Variants in MS4A2 observed in about 807,000 individuals in gnomAD.
MS4A2 encodes high affinity immunoglobulin epsilon receptor subunit beta.
MS4A2 carries 26 observed loss-of-function variants against 27.9 expected under a neutral mutation model. That is an observed-to-expected ratio of 0.93 (90% confidence interval 0.68 to 1.29). The LOEUF (loss-of-function observed/expected upper bound fraction) is 1.29. Among genes scored for constraint, MS4A2 ranks in the 50% most tolerant of loss-of-function variants. MS4A2 has a pLI of 0.00. For missense variants in MS4A2, 284 were observed against 284.6 expected (o/e 1.00, Z 0.01); for synonymous variants, 110 against 98.8 (o/e 1.11, Z -0.67).
chr11:60,093,698 C>T (rs758301576), intron 5 of MS4A2, 140 bp downstream of exon 5: 24 of 1,247,112 alleles, frequency 1.9e-5, no homozygotes, highest in Non-Finnish European at 2.7e-5. Context: ...GTTCACACAG[C>T]CCAGGGAGAT....
Position 60,096,158 on chromosome 11 carries a change from T to A in MS4A2, c.*502T>A, listed in dbSNP as rs946368883. 6.4e-6 allele frequency: 1 copy of A among 155,418 alleles called. No individual in the cohort carries two copies. Among genetic ancestry groups the A allele is most frequent in the Non-Finnish European group, 1.4e-5 (1 of 70,120 alleles). 9.6% of individuals were successfully genotyped at this position (155,418 alleles called of 1,614,324 possible). A position where few individuals can be genotyped will look rare whatever the true frequency, so the allele number is the denominator to read the frequency against. On this transcript the variant is annotated 3_prime_UTR_variant, in exon 7 of 7. Transcript: ENST00000278888. ...TATATAACTTCCTATGCAAATATTT[T>A]ACCACCAGTCAATAATACATTTTTG...
intron 2 of MS4A2, 53 bp from the exon 3 acceptor site, chr11:60,090,283 C>A: frequency 6.3e-7 from 1 of 1,580,528 alleles, no homozygotes. Flanking sequence ...AAAAATGATA[C>A]AATCTCGGGA....
At chr11:60,089,038 A>AT (rs1855707636) in intron 1 of MS4A2, among the ~76,000 whole-genome samples, 2 of 152,124 alleles carry the variant, frequency 1.3e-5, no homozygotes, top group Non-Finnish European at 1.5e-5. Flanking sequence ...CTGGAAATAG[A>AT]TTTTCTCACA....
chr11:60,093,341 G>T (rs1855802760), intron 4 of MS4A2, 59 bp from the exon 5 acceptor site: 1 of 1,610,052 alleles, frequency 6.2e-7, no homozygotes, highest in South Asian at 1.1e-5. Context: ...ATGAAGATAG[G>T]TTTATTGAAT....
chr11:60,088,975 T>C (rs928152687), intron 1 of MS4A2, among the ~76,000 whole-genome samples, 154 bp downstream of exon 1: 1 of 152,198 alleles, frequency 6.6e-6, no homozygotes, highest in African/African-American at 2.4e-5. Flanking sequence ...CTTGCTGTAC[T>C]TTCCATGTGG....
rs1855805784 is a variant in MS4A2 at position 60,093,450 on chromosome 11, GGGAATTA to G, written c.430_436del (p.Gly144ProfsTer3). ...CTGCCAGCAGCATAGCTGGGGGAAC[GGGAATTA>G]CCATCCTGATCATCAACCTGAAGAA... On this transcript the variant is annotated frameshift_variant, in exon 5 of 7. Transcript: ENST00000278888. LOFTEE classifies it high-confidence loss of function. The G allele has an allele frequency of 2.5e-6, 4 of 1,614,126 alleles. No individual in the cohort carries two copies. In the African/African-American group the frequency reaches 5.3e-5, roughly 22 times the overall value.
intron 4 of MS4A2, 132 bp from the exon 5 acceptor site, chr11:60,093,260 TTTTCAGGG>T: frequency 2.0e-6 from 2 of 1,014,726 alleles, no homozygotes; most frequent in Non-Finnish European, 2.9e-6. Flanking sequence ...AATGCGGACA[TTTTCAGGG>T]TTTCCCTTTT....
chr11:60,090,108 G>A (rs2583476), intron 2 of MS4A2, among the ~76,000 whole-genome samples: 46,480 of 151,970 alleles, frequency 0.31, 8,599 homozygotes, highest in Middle Eastern at 0.5. Context: ...ACATGACTAC[G>A]TACATAAAGG....
At chr11:60,089,627 G>T in intron 1 of MS4A2, 65 bp from the exon 2 acceptor site, 4 of 1,603,274 alleles carry the variant, frequency 2.5e-6, no homozygotes, top group Non-Finnish European at 3.4e-6. Context: ...CTTTCTGTCT[G>T]TCGAGAATGT....
At chr11:60,093,659 T>G in intron 5 of MS4A2, 101 bp downstream of exon 5, 1 of 1,457,600 alleles carries the variant, frequency 6.9e-7, no homozygotes, top group Non-Finnish European at 9.6e-7. Context: ...TTTCTGTAAC[T>G]TCTATTACAC....
At position 60,098,409 on chromosome 11, in the gene MS4A2, C is replaced by T. The variant is rs1198314042; in HGVS notation, c.*2753C>T. 1 of 152,140 alleles carries T rather than the reference C, an allele frequency of 6.6e-6. No homozygotes were observed. Among genetic ancestry groups the T allele is most frequent in the African/African-American group, 2.4e-5 (1 of 41,426 alleles). 9.4% of individuals were successfully genotyped at this position (152,140 alleles called of 1,614,324 possible). A position where few individuals can be genotyped will look rare whatever the true frequency, so the allele number is the denominator to read the frequency against. Reference sequence around the variant, plus strand: ...CATTAATTATTAGTGTGCTTGTGACCTCCTTATGTATTCTCAATTACCTGT... The same window carrying T: ...CATTAATTATTAGTGTGCTTGTGACTTCCTTATGTATTCTCAATTACCTGT... On this transcript the variant is annotated 3_prime_UTR_variant, in exon 7 of 7. Coordinates refer to ENST00000278888, the MANE Select transcript of MS4A2 (RefSeq NM_000139.5).
chr11:60,091,925 A>G (rs1356127246), intron 3 of MS4A2, among the ~76,000 whole-genome samples: 3 of 152,218 alleles, frequency 2.0e-5, no homozygotes, highest in Admixed American at 2.0e-4. Flanking sequence ...AATTTGTGCT[A>G]TTGACTTATA....
chr11:60,088,957 G>A, intron 1 of MS4A2, 136 bp downstream of exon 1: 2 of 908,320 alleles, frequency 2.2e-6, no homozygotes, highest in East Asian at 2.7e-5. Context: ...TTGGGTATGA[G>A]GAAGCTACTT....
At chr11:60,089,334 A>G (rs1855713970) in intron 1 of MS4A2, among the ~76,000 whole-genome samples, 1 of 152,200 alleles carries the variant, frequency 6.6e-6, no homozygotes, top group African/African-American at 2.4e-5. Context: ...AAATATATTC[A>G]GATACATTTC....
chr11:60,097,818 G>T lies in MS4A2; in HGVS notation c.*2162G>T, dbSNP rs1855896079. The T allele has an allele frequency of 1.3e-5, 2 of 152,174 alleles. No homozygotes were observed. The highest frequency in any genetic ancestry group is 4.8e-5 in the African/African-American group (2 of 41,426). 9.4% of individuals were successfully genotyped at this position (152,174 alleles called of 1,614,324 possible). A position where few individuals can be genotyped will look rare whatever the true frequency, so the allele number is the denominator to read the frequency against. Reference sequence around the variant, plus strand: ...GTGACTTGGTATGCTTTATTTAATTGTAGGGCCTGAGGTTTTCCATTCTCA... The same window carrying T: ...GTGACTTGGTATGCTTTATTTAATTTTAGGGCCTGAGGTTTTCCATTCTCA... On this transcript the variant is annotated 3_prime_UTR_variant, in exon 7 of 7. Coordinates refer to ENST00000278888, the MANE Select transcript of MS4A2 (RefSeq NM_000139.5).
In MS4A2 at chr11:60,093,560, T is replaced by C. The variant is rs1855809743; in HGVS notation, c.537+2T>C. 1.2e-6 allele frequency: 2 copies of C among 1,614,018 alleles called. No homozygotes were observed. The highest frequency in any genetic ancestry group is 1.7e-6 in the Non-Finnish European group (2 of 1,180,004). ...TGCTTTATGGCTTCCTTTTCCACTGTATGTATTTTTTTTTGTGTGGGAAGA... is the reference window on the plus strand; with the variant it reads ...TGCTTTATGGCTTCCTTTTCCACTGCATGTATTTTTTTTTGTGTGGGAAGA... On this transcript the variant is annotated splice_donor_variant, in intron 5 of 6. Transcript: ENST00000278888. LOFTEE classifies it high-confidence loss of function.
rs562746474 is a variant in MS4A2 at position 60,097,370 on chromosome 11, C to T, written c.*1714C>T. 3 of 152,304 alleles carry T rather than the reference C, an allele frequency of 2.0e-5. No individual in the cohort carries two copies. Among genetic ancestry groups the T allele is most frequent in the African/African-American group, 7.2e-5 (3 of 41,552 alleles). 9.4% of individuals were successfully genotyped at this position (152,304 alleles called of 1,614,324 possible). A position where few individuals can be genotyped will look rare whatever the true frequency, so the allele number is the denominator to read the frequency against. ...AAGTCCACAGTGATAAGCAACTCCA[C>T]CTAAGGCATGAATATGCGGCAGAGA... On this transcript the variant is annotated 3_prime_UTR_variant, in exon 7 of 7. Transcript: ENST00000278888.
In MS4A2 at chr11:60,089,907, G is replaced by A. The variant is rs17860450; in HGVS notation, c.186+86G>A. ...GTTGCATCAACTGTTTTCCCACTTGGATTCATGAGAGGTGTTAGGTCCTTT... is the reference window on the plus strand; with the variant it reads ...GTTGCATCAACTGTTTTCCCACTTGAATTCATGAGAGGTGTTAGGTCCTTT... On this transcript the variant is annotated intron_variant, in intron 2 of 6. Coordinates refer to ENST00000278888, the MANE Select transcript of MS4A2 (RefSeq NM_000139.5). 4.9e-3 allele frequency: 7,685 copies of A among 1,558,090 alleles called. 29 individuals carry two copies. Among genetic ancestry groups the A allele is most frequent in the Non-Finnish European group, 6.2e-3 (7,115 of 1,142,750 alleles).
At chr11:60,092,948 T>C in intron 4 of MS4A2, 100 bp downstream of exon 4, 1 of 1,140,254 alleles carries the variant, frequency 8.8e-7, no homozygotes, top group Non-Finnish European at 1.3e-6. Context: ...CTATATTACT[T>C]GTGAATGTGG....
Sources: gnomAD v4.1 joint callset for allele counts (sites outside exome capture counted in the v4.1 genomes callset) on GRCh38, gnomAD v4.1.1 for gene constraint, MANE v1.5 for transcripts, NCBI Gene and HGNC (gene_info 2026-07-23, HGNC 2026-07-21) for gene names.